NKTR: variants seen among roughly 807,000 people sequenced by gnomAD.
NKTR encodes the protein natural killer cell triggering receptor, also known as NK-tumor recognition protein.
A neutral mutation model predicts 156.3 loss-of-function variants in NKTR; 67 were observed. The observed-to-expected ratio is 0.43, with a 90% CI of 0.35 to 0.53. The LOEUF (loss-of-function observed/expected upper bound fraction) is 0.53, where lower values mean the gene tolerates loss of function less well. Among genes scored for constraint, NKTR ranks in the 20% least tolerant of loss-of-function variants. The pLI, the probability that NKTR is intolerant of heterozygous loss-of-function variation, is 0.01. For missense variants in NKTR, 1,604 were observed against 1,730.9 expected (o/e 0.93, Z 1.30); for synonymous variants, 640 against 596.6 (o/e 1.07, Z -1.06).
intron 15 of NKTR, 177 bp downstream of exon 15, chr3:42,643,572 T>C (rs1423615217): frequency 1.6e-6 from 1 of 638,092 alleles, no homozygotes; most frequent in Non-Finnish European, 2.8e-6. Flanking sequence ...CCCATTGTAC[T>C]CCAGTGTCAA....
chr3:42,636,937 T>C lies in NKTR; in HGVS notation c.1233T>C (p.Tyr411=). ...SLSQRSRSWS[Y]NGYYSDLSTA... ...CTCAGAGATCCAGATCATGGTCCTATAATGGATATTATTCAGACCTTAGTA... is the reference window on the plus strand; with the variant it reads ...CTCAGAGATCCAGATCATGGTCCTACAATGGATATTATTCAGACCTTAGTA... Residue 411 remains tyrosine (Y), a synonymous_variant, in exon 13 of 17, where the codon TAT becomes TAC. Coordinates refer to ENST00000232978, the MANE Select transcript of NKTR (RefSeq NM_005385.4). 1.2e-6 allele frequency: 2 copies of C among 1,600,204 alleles called. No individual in the cohort carries two copies. Among genetic ancestry groups the C allele is most frequent in the Non-Finnish European group, 1.7e-6 (2 of 1,176,794 alleles).
intron 6 of NKTR, among the ~76,000 whole-genome samples, chr3:42,626,488 T>C (rs1014182756): frequency 3.3e-5 from 5 of 152,186 alleles, no homozygotes; most frequent in African/African-American, 1.2e-4. Flanking sequence ...TTGACTGCAC[T>C]TACGCTTTCA....
chr3:42,620,050 G>C, intron 5 of NKTR: 1 of 1,534,420 alleles, frequency 6.5e-7, no homozygotes, highest in African/African-American at 1.4e-5. Flanking sequence ...AAAGGTAAGA[G>C]AACGAAGCTC....
In NKTR at chr3:42,638,776, A is replaced by AGAGGAG. The variant is rs748263777; in HGVS notation, c.3082_3087dup (p.Glu1028_Glu1029dup). ...GGCAGCCTCCACTAGAATTTGGTGA[A>AGAGGAG]GAGGAGGAGGAGGAGATTGATGACA... On this transcript the variant is annotated inframe_insertion, in exon 13 of 17. Coordinates refer to ENST00000232978, the MANE Select transcript of NKTR (RefSeq NM_005385.4). 1.9e-6 allele frequency: 3 copies of AGAGGAG among 1,613,920 alleles called. No individual in the cohort carries two copies. Among genetic ancestry groups the AGAGGAG allele is most frequent in the Middle Eastern group, 1.6e-4 (1 of 6,062 alleles).
Position 42,637,857 on chromosome 3 carries a change from G to A in NKTR, c.2153G>A (p.Arg718Lys). Residue 718 changes from arginine (R) to lysine (K), a missense_variant, in exon 13 of 17, where the codon AGG becomes AAG. By Grantham distance (26) the Arg-to-Lys change is conservative. Transcript: ENST00000232978. ...RSRSLASSHSRSRSPSSRSHS... is the reference protein window; with the variant it reads ...RSRSLASSHSKSRSPSSRSHS... ...CGTAGTCTAGCTAGTTCACATTCAA[G>A]GTCTAGGTCTCCATCATCTAGATCT... The A allele has an allele frequency of 6.2e-7, 1 of 1,613,944 alleles. No individual in the cohort carries two copies. The highest frequency in any genetic ancestry group is 8.5e-7 in the Non-Finnish European group (1 of 1,179,938).
In NKTR at chr3:42,648,321, A is replaced by G. The variant is rs1710480645; in HGVS notation, c.*2346A>G. 1 of 152,218 alleles carries G rather than the reference A, an allele frequency of 6.6e-6. No homozygotes were observed. The highest frequency in any genetic ancestry group is 1.5e-5 in the Non-Finnish European group (1 of 68,040). The allele number at this position is 152,218 out of a possible 1,614,324, so 9.4% of individuals were successfully genotyped here. ...TTTTCAAATTCTGCCTACCACAGGC[A>G]ATAACTGCCCATCTCAGCTGTAGGT... is the stretch of plus-strand genomic sequence containing the variant. On this transcript the variant is annotated 3_prime_UTR_variant, in exon 17 of 17. Transcript: ENST00000232978.
intron 5 of NKTR, chr3:42,621,196 TG>T: frequency 8.9e-7 from 1 of 1,126,026 alleles, no homozygotes; most frequent in African/African-American, 1.6e-5. Flanking sequence ...TAAGGCTGTT[TG>T]TGTGAAGTAT....
chr3:42,643,992 T>C lies in NKTR; in HGVS notation c.4290T>C (p.Asn1430=), dbSNP rs762509003. The C allele has an allele frequency of 2.5e-6, 4 of 1,613,584 alleles. No homozygotes were observed. Among genetic ancestry groups the C allele is most frequent in the Non-Finnish European group, 3.4e-6 (4 of 1,179,642 alleles). ...GTTACCACCGAGGCAGAAGTTATAA[T>C]CGGCGGTCCAGGTGGGTCTCTCTCC... is the stretch of plus-strand genomic sequence containing the variant. ...SDSYHRGRSY[N]RRSRSCRSYG... Residue 1430 remains asparagine (N), a synonymous_variant, in exon 16 of 17, where the codon AAT becomes AAC. Coordinates refer to ENST00000232978, the MANE Select transcript of NKTR (RefSeq NM_005385.4).
At chr3:42,617,454 A>G in intron 2 of NKTR, 116 bp from the exon 3 acceptor site, 1 of 584,608 alleles carries the variant, frequency 1.7e-6, no homozygotes, top group Non-Finnish European at 3.0e-6. Flanking sequence ...TCTTTTAAAA[A>G]ATTAAAATGA....
intron 3 of NKTR, among the ~76,000 whole-genome samples, chr3:42,618,452 T>C (rs1434730026): frequency 6.6e-6 from 1 of 152,088 alleles, no homozygotes; most frequent in Admixed American, 6.6e-5. Context: ...TGTTATTTAT[T>C]TATTTGGGAC....
Position 42,634,635 on chromosome 3 carries a change from A to G in NKTR, c.952A>G (p.Ile318Val). Residue 318 changes from isoleucine to valine, a missense_variant, in exon 11 of 17, where the codon ATT (isoleucine) becomes GTT (valine). Transcript: ENST00000232978. ...PEPKIPDVAPIVSDQKPSVSK... is the reference protein window; with the variant it reads ...PEPKIPDVAPVVSDQKPSVSK... ...TAGGAAGATTCCTGATGTTGCACCC[A>G]TTGTAAGTGATCAGAAACCATCTGT... 2 of 1,597,434 alleles carry G rather than the reference A, an allele frequency of 1.3e-6. No homozygotes were observed. Among genetic ancestry groups the G allele is most frequent in the Middle Eastern group, 1.7e-4 (1 of 6,014 alleles).
Position 42,647,116 on chromosome 3 carries a change from A to T in NKTR, c.*1141A>T, listed in dbSNP as rs183760980. ...CTGTTGTAACCAGCATGTTTTTCCT[A>T]TTTCCACTGTGACCTGCAGCTGACT... On this transcript the variant is annotated 3_prime_UTR_variant, in exon 17 of 17. Transcript: ENST00000232978. 5 of 152,278 alleles carry T rather than the reference A, an allele frequency of 3.3e-5. No individual in the cohort carries two copies. Among genetic ancestry groups the T allele is most frequent in the Non-Finnish European group, 5.9e-5 (4 of 68,042 alleles). 9.4% of individuals were successfully genotyped at this position (152,278 alleles called of 1,614,324 possible).
intron 2 of NKTR, among the ~76,000 whole-genome samples, chr3:42,609,996 A>G (rs1053030050): frequency 1.3e-5 from 2 of 151,756 alleles, no homozygotes; most frequent in African/African-American, 4.9e-5. Flanking sequence ...ATCTACTTAC[A>G]TTGACTAGAA....
At chr3:42,611,646 T>C (rs773194724) in intron 2 of NKTR, among the ~76,000 whole-genome samples, 2 of 151,694 alleles carry the variant, frequency 1.3e-5, no homozygotes, top group Non-Finnish European at 2.9e-5. Context: ...GGCAGGAGAA[T>C]TGCTTGAACC....
rs544899306 is a variant in NKTR, at chr3:42,646,746, G to A, written c.*771G>A. On this transcript the variant is annotated 3_prime_UTR_variant, in exon 17 of 17. Coordinates refer to ENST00000232978, the MANE Select transcript of NKTR (RefSeq NM_005385.4). The stretch of plus-strand genomic sequence containing the variant: ...TTTGGTGCTTGGTAATTTTTGGTGC[G>A]TCTTTAAGCATTACTCTTATATATC... 5 of 152,692 alleles carry A rather than the reference G, an allele frequency of 3.3e-5. No homozygotes were observed. Among genetic ancestry groups the A allele is most frequent in the South Asian group, 4.1e-4 (2 of 4,820 alleles). The allele number at this position is 152,692 out of a possible 1,614,324, so 9.5% of individuals were successfully genotyped here.
intron 16 of NKTR, 114 bp downstream of exon 16, chr3:42,644,117 AGAAATACTT>A: frequency 1.6e-6 from 1 of 626,570 alleles, no homozygotes; most frequent in Non-Finnish European, 2.8e-6. Flanking sequence ...TTCCAAGGAC[AGAAATACTT>A]CTTCCTTTAA....
chr3:42,633,432 G>T (rs1709094156), intron 9 of NKTR, 148 bp from the exon 10 acceptor site: 1 of 1,413,138 alleles, frequency 7.1e-7, no homozygotes, highest in African/African-American at 1.4e-5. Context: ...GGTTGATATT[G>T]TTCTCTTTGT....
At position 42,643,342 on chromosome 3, in the gene NKTR, G is replaced by T. The variant is rs200336040; in HGVS notation, c.4146G>T (p.Thr1382=). The part of the protein sequence containing the change: ...SSYRSYKSHR[T]SSRSRSRSSS... ...TCCTTCATGTGATTAATATTAGGAC[G>T]TCCAGCAGGAGCAGATCCAGGAGCA... Residue 1382 remains threonine, a synonymous_variant, in exon 15 of 17, where the codon ACG becomes ACT. Coordinates refer to ENST00000232978, the MANE Select transcript of NKTR (RefSeq NM_005385.4). 2 of 1,613,716 alleles carry T rather than the reference G, an allele frequency of 1.2e-6. No individual in the cohort carries two copies. Among genetic ancestry groups the T allele is most frequent in the Admixed American group, 1.7e-5 (1 of 59,996 alleles).
chr3:42,613,417 A>G (rs1412899179), intron 2 of NKTR, among the ~76,000 whole-genome samples: 2 of 152,128 alleles, frequency 1.3e-5, no homozygotes, highest in Non-Finnish European at 2.9e-5. Flanking sequence ...ACCTAGTGTG[A>G]TCTGTTCTTA....
Sources: gnomAD v4.1 joint callset for allele counts (sites outside exome capture counted in the v4.1 genomes callset) on GRCh38, gnomAD v4.1.1 for gene constraint, MANE v1.5 for transcripts, NCBI Gene and HGNC (gene_info 2026-07-23, HGNC 2026-07-21) for gene names.